The following ADAMTS19 variants were observed in gnomAD, a reference collection of about 807,000 sequenced individuals.
ADAMTS19 encodes the protein ADAM metallopeptidase with thrombospondin type 1 motif 19.
In ADAMTS19, 93 loss-of-function variants were observed where a neutral mutation model predicts 153.3. That is an observed-to-expected ratio of 0.61 (90% CI 0.51 to 0.72). ADAMTS19 has a LOEUF of 0.72. Ranked by LOEUF, ADAMTS19 falls within the 30% of genes least tolerant of loss-of-function variation. The pLI is 0.00. For synonymous variants in ADAMTS19, 600 were observed against 556.6 expected, an observed-to-expected ratio of 1.08 and a Z score of -1.10; for missense variants, 1,482 against 1,552.1, an observed-to-expected ratio of 0.95 and a Z score of 0.76.
At chr5:129,696,776 G>A (rs1755576484) in intron 19 of ADAMTS19, among the ~76,000 whole-genome samples, 2 of 152,096 alleles carry the variant, frequency 1.3e-5, no homozygotes, top group Admixed American at 1.3e-4. Context: ...TATTGGTTGA[G>A]GGTTAAATTA....
rs1561677529 is a variant in ADAMTS19, at chr5:129,734,934, C to T, written c.3315C>T (p.Cys1105=). The part of the protein sequence containing the change: ...YVWRMGDWSK[C]SITCGKGMQS... Reference sequence around the variant, plus strand: ...AACAAACCTTGTATTTCTCCTAGTGCTCAATTACCTGTGGCAAAGGAATGC... The same window carrying T: ...AACAAACCTTGTATTTCTCCTAGTGTTCAATTACCTGTGGCAAAGGAATGC... The change falls in exon 22 of 23, where the codon TGC becomes TGT. Residue 1105 remains cysteine, a splice_region_variant and synonymous_variant. Transcript: ENST00000274487. 1.3e-6 allele frequency: 2 copies of T among 1,563,144 alleles called. No individual in the cohort carries two copies. The highest frequency in any genetic ancestry group is 1.7e-6 in the Non-Finnish European group (2 of 1,157,768).
intron 10 of ADAMTS19, among the ~76,000 whole-genome samples, chr5:129,624,066 G>T (rs1052443903): frequency 7.2e-6 from 1 of 139,472 alleles, no homozygotes; most frequent in Non-Finnish European, 1.5e-5. Context: ...GGTGGAGCTT[G>T]CAGTGAGCCG....
intron 8 of ADAMTS19, among the ~76,000 whole-genome samples, chr5:129,609,188 G>A (rs180749504): frequency 1.5e-4 from 23 of 152,314 alleles, no homozygotes; most frequent in Non-Finnish European, 2.2e-4. Flanking sequence ...GGATAGTTGA[G>A]AGGGAAAGTG....
At chr5:129,578,904 G>A (rs750146904) in intron 7 of ADAMTS19, among the ~76,000 whole-genome samples, 14 of 152,208 alleles carry the variant, frequency 9.2e-5, no homozygotes, top group South Asian at 6.2e-4. Flanking sequence ...ATATACATAC[G>A]TGTGCATGTG....
intron 7 of ADAMTS19, among the ~76,000 whole-genome samples, chr5:129,572,297 C>T (rs111712173): frequency 0.061 from 9,248 of 151,978 alleles, 417 homozygotes; most frequent in Non-Finnish European, 0.087. Flanking sequence ...AATCAAACAA[C>T]TCAACTCTCA....
At chr5:129,678,148 A>G (rs1418765632) in intron 16 of ADAMTS19, among the ~76,000 whole-genome samples, 1 of 152,006 alleles carries the variant, frequency 6.6e-6, no homozygotes, top group Non-Finnish European at 1.5e-5. Context: ...AAATACTAAC[A>G]AGGCCTCTCT....
intron 21 of ADAMTS19, among the ~76,000 whole-genome samples, chr5:129,716,985 A>G (rs937509462): frequency 6.6e-6 from 1 of 152,166 alleles, no homozygotes; most frequent in Non-Finnish European, 1.5e-5. Context: ...TTACTTCTAC[A>G]GTCTCTATGT....
chr5:129,511,711 T>G (rs1751442994), intron 3 of ADAMTS19, among the ~76,000 whole-genome samples: 2 of 150,224 alleles, frequency 1.3e-5, no homozygotes, highest in African/African-American at 4.9e-5. Context: ...GGGAACAGAG[T>G]CCAGGTTGAG....
chr5:129,722,125 G>A (rs1025418135), intron 21 of ADAMTS19, among the ~76,000 whole-genome samples: 1 of 152,154 alleles, frequency 6.6e-6, no homozygotes, highest in South Asian at 2.1e-4. Context: ...CCAGTAATGG[G>A]ATTGCTGGAT....
intron 7 of ADAMTS19, among the ~76,000 whole-genome samples, chr5:129,563,229 A>G (rs1243890873): frequency 6.6e-6 from 1 of 151,552 alleles, no homozygotes; most frequent in Non-Finnish European, 1.5e-5. Context: ...TTTTTGCATT[A>G]TAGCACCTCA....
chr5:129,629,750 C>T (rs930817137), intron 10 of ADAMTS19, among the ~76,000 whole-genome samples: 2 of 152,040 alleles, frequency 1.3e-5, no homozygotes, highest in African/African-American at 4.8e-5. Flanking sequence ...TTCCTGAGTC[C>T]TAAGCAATTG....
chr5:129,707,510 C>T (rs1365115736), intron 21 of ADAMTS19, among the ~76,000 whole-genome samples: 1 of 152,114 alleles, frequency 6.6e-6, no homozygotes, highest in Non-Finnish European at 1.5e-5. Flanking sequence ...TTGGTTTCAC[C>T]CTTCATTTTA....
intron 8 of ADAMTS19, among the ~76,000 whole-genome samples, chr5:129,603,749 C>T (rs780168777): frequency 5.9e-5 from 9 of 152,164 alleles, no homozygotes; most frequent in Admixed American, 3.9e-4. Flanking sequence ...GACTTCTGCT[C>T]CCACCTAAAG....
intron 10 of ADAMTS19, among the ~76,000 whole-genome samples, chr5:129,628,164 A>G (rs1402409045): frequency 6.6e-6 from 1 of 152,118 alleles, no homozygotes; most frequent in Non-Finnish European, 1.5e-5. Flanking sequence ...ACATGGATGG[A>G]GGTGGAGGCC....
chr5:129,590,990 G>A (rs767521875), intron 7 of ADAMTS19, among the ~76,000 whole-genome samples: 5 of 152,096 alleles, frequency 3.3e-5, no homozygotes, highest in South Asian at 2.1e-4. Flanking sequence ...GTGTTGATGC[G>A]GAGATGTGCT....
At chr5:129,580,395 T>A (rs367577002) in intron 7 of ADAMTS19, among the ~76,000 whole-genome samples, 29 of 152,330 alleles carry the variant, frequency 1.9e-4, no homozygotes, top group South Asian at 1.0e-3. Context: ...ACAATTTGAC[T>A]TCCTCTATTC....
intron 6 of ADAMTS19, among the ~76,000 whole-genome samples, chr5:129,533,357 T>C (rs981788179): frequency 6.6e-6 from 1 of 152,202 alleles, no homozygotes. Context: ...AACTTGTGTA[T>C]ATTTTATGTA....
At chr5:129,715,839 G>T (rs1756700003) in intron 21 of ADAMTS19, among the ~76,000 whole-genome samples, 1 of 152,268 alleles carries the variant, frequency 6.6e-6, no homozygotes, top group East Asian at 1.9e-4. Context: ...GATGGAAATA[G>T]AAATTTCTGA....
chr5:129,643,925 T>C (rs996846111), intron 11 of ADAMTS19, among the ~76,000 whole-genome samples: 1 of 152,190 alleles, frequency 6.6e-6, no homozygotes, highest in Non-Finnish European at 1.5e-5. Context: ...GCAGTAATAT[T>C]AAGAGATAAC....
Sources: allele counts gnomAD v4.1 joint callset (sites outside exome capture counted in the v4.1 genomes callset), GRCh38; gene constraint gnomAD v4.1.1; transcripts MANE v1.5; gene names NCBI Gene and HGNC (gene_info 2026-07-23, HGNC 2026-07-21).